Variants in STAG1 observed in about 807,000 individuals in gnomAD.
STAG1 encodes the protein cohesin subunit SA-1.
STAG1 carries 26 observed loss-of-function variants against 170.9 expected under a neutral mutation model. The observed-to-expected ratio is 0.15, with a 90% CI of 0.11 to 0.21. The LOEUF (loss-of-function observed/expected upper bound fraction) is 0.21. STAG1 is among the 10% of genes least tolerant of loss of function. The pLI is 1.00. For synonymous variants in STAG1, 514 were observed against 497.7 expected (o/e 1.03, Z -0.44); for missense variants, 964 against 1,509.5 (o/e 0.64, Z 5.99).
In STAG1 at chr3:136,402,118, A is replaced by G. The variant is rs139258278; in HGVS notation, c.2197-3289T>C. On this transcript the variant is annotated intron_variant, in intron 21 of 33. Coordinates refer to ENST00000383202, the MANE Select transcript of STAG1 (RefSeq NM_005862.3). ...CCCCACTTGATAAACTACAAACCATAAAGGTAAACATATGTAGATAATAAG... is the reference window on the plus strand; with the variant it reads ...CCCCACTTGATAAACTACAAACCATGAAGGTAAACATATGTAGATAATAAG... 2.9e-3 allele frequency among the ~76,000 whole-genome samples: 442 copies of G among 152,340 alleles called. 3 individuals carry two copies. The highest frequency in any genetic ancestry group is 0.01 in the African/African-American group (426 of 41,572).
intron 6 of STAG1, among the ~76,000 whole-genome samples, chr3:136,540,101 T>C (rs904742946): frequency 6.6e-6 from 1 of 152,114 alleles, no homozygotes; most frequent in African/African-American, 2.4e-5. Flanking sequence ...ATGACATATA[T>C]AGTCTTTTGA....
At chr3:136,376,216 A>T (rs2108305528) in intron 23 of STAG1, among the ~76,000 whole-genome samples, 1 of 152,188 alleles carries the variant, frequency 6.6e-6, no homozygotes, top group East Asian at 1.9e-4. Context: ...AAGGATAAGT[A>T]ATACTGTACT....
At chr3:136,523,066 T>C (rs950324890) in intron 6 of STAG1, among the ~76,000 whole-genome samples, 4 of 152,326 alleles carry the variant, frequency 2.6e-5, no homozygotes, top group Non-Finnish European at 5.9e-5. Context: ...TGATTTATAA[T>C]CCTTTGGATA....
chr3:136,506,789 G>T (rs1462484104), intron 7 of STAG1, among the ~76,000 whole-genome samples: 1 of 152,186 alleles, frequency 6.6e-6, no homozygotes, highest in Non-Finnish European at 1.5e-5. Flanking sequence ...AAGTGGAAAT[G>T]CCTAGTAGAC....
intron 30 of STAG1, among the ~76,000 whole-genome samples, chr3:136,342,407 C>T (rs1340259805): frequency 6.6e-6 from 1 of 152,128 alleles, no homozygotes; most frequent in African/African-American, 2.4e-5. Flanking sequence ...CAACCTCTGC[C>T]TCCCAGGCTC....
intron 1 of STAG1, among the ~76,000 whole-genome samples, chr3:136,633,788 C>A (rs1017927136): frequency 6.8e-6 from 1 of 147,258 alleles, no homozygotes; most frequent in Non-Finnish European, 1.5e-5. Context: ...GAGTTCGAGA[C>A]CAGCCCAGGC....
intron 4 of STAG1, among the ~76,000 whole-genome samples, chr3:136,586,428 A>T (rs529074365): frequency 6.6e-6 from 1 of 152,236 alleles, no homozygotes; most frequent in South Asian, 2.1e-4. Flanking sequence ...CACCCATGTT[A>T]ATTTAAAACC....
intron 7 of STAG1, among the ~76,000 whole-genome samples, chr3:136,515,242 G>A (rs561883120): frequency 6.6e-6 from 1 of 152,166 alleles, no homozygotes; most frequent in Non-Finnish European, 1.5e-5. Flanking sequence ...GTGCACGCCT[G>A]CAGTCCCAGC....
At chr3:136,412,862 TTTC>T (rs2087664583) in intron 21 of STAG1, among the ~76,000 whole-genome samples, 2 of 141,454 alleles carry the variant, frequency 1.4e-5, no homozygotes, top group Non-Finnish European at 3.2e-5. Flanking sequence ...GTGACAATTT[TTTC>T]TTTTTTTTTT....
intron 10 of STAG1, 97 bp from the exon 11 acceptor site, chr3:136,473,734 C>A: frequency 1.2e-6 from 1 of 818,452 alleles, no homozygotes; most frequent in Non-Finnish European, 2.0e-6. Flanking sequence ...AAACATTTGA[C>A]TTACTGCATA....
At chr3:136,700,160 T>C (rs540780738) in intron 1 of STAG1, among the ~76,000 whole-genome samples, 1 of 149,012 alleles carries the variant, frequency 6.7e-6, no homozygotes, top group South Asian at 2.2e-4. Flanking sequence ...AATTTTCATA[T>C]ACCTCCCAAA....
intron 21 of STAG1, among the ~76,000 whole-genome samples, chr3:136,413,469 T>TTTA (rs1368121402): frequency 1.3e-5 from 2 of 151,408 alleles, no homozygotes; most frequent in African/African-American, 4.9e-5. Flanking sequence ...TATTATTATT[T>TTTA]TTTTTTGAGA....
At chr3:136,700,106 C>T (rs1438339814) in intron 1 of STAG1, among the ~76,000 whole-genome samples, 1 of 151,026 alleles carries the variant, frequency 6.6e-6, no homozygotes, top group Admixed American at 6.6e-5. Flanking sequence ...CTCCTCTGTG[C>T]TGTTCTACAA....
At chr3:136,747,221 G>A (rs888981351) in intron 1 of STAG1, among the ~76,000 whole-genome samples, 7 of 145,494 alleles carry the variant, frequency 4.8e-5, no homozygotes, top group East Asian at 2.0e-4. Flanking sequence ...TGCAGTAAGC[G>A]AAGATCATGC....
chr3:136,344,091 G>C, intron 29 of STAG1, 85 bp from the exon 30 acceptor site: 1 of 1,020,216 alleles, frequency 9.8e-7, no homozygotes, highest in Admixed American at 3.1e-5. Flanking sequence ...TGAAGAGTGT[G>C]GCTCTGCAGT....
chr3:136,557,000 A>C (rs887386570), intron 5 of STAG1, among the ~76,000 whole-genome samples: 1 of 152,170 alleles, frequency 6.6e-6, no homozygotes, highest in Admixed American at 6.5e-5. Context: ...TGGGAGGCTG[A>C]GGTGGGCAGA....
rs142750525 is a variant in STAG1, at chr3:136,476,646, A to C, written c.1026+643T>G. On this transcript the variant is annotated intron_variant, in intron 10 of 33. Coordinates refer to ENST00000383202, the MANE Select transcript of STAG1 (RefSeq NM_005862.3). Reference sequence around the variant, plus strand: ...ACTTCAGAAAACTGTAAAATAACTTATAATGGGAATGAAAATTCCAGTTGC... The same window carrying C: ...ACTTCAGAAAACTGTAAAATAACTTCTAATGGGAATGAAAATTCCAGTTGC... 2.0e-3 allele frequency among the ~76,000 whole-genome samples: 301 copies of C among 152,330 alleles called. 8 individuals carry two copies. In the East Asian group the frequency reaches 0.048, roughly 24 times the overall value.
chr3:136,513,908 T>C (rs1404419451), intron 7 of STAG1, among the ~76,000 whole-genome samples: 1 of 151,818 alleles, frequency 6.6e-6, no homozygotes, highest in African/African-American at 2.4e-5. Flanking sequence ...TTTTAGAAAA[T>C]GAGGCATAAT....
intron 1 of STAG1, among the ~76,000 whole-genome samples, chr3:136,732,553 G>C (rs754529987): frequency 1.3e-5 from 2 of 152,170 alleles, no homozygotes; most frequent in African/African-American, 2.4e-5. Context: ...GAACACGCTG[G>C]TGATAACCTT....
Sources: gnomAD v4.1 joint callset for allele counts (sites outside exome capture counted in the v4.1 genomes callset) on GRCh38, gnomAD v4.1.1 for gene constraint, MANE v1.5 for transcripts, NCBI Gene and HGNC (gene_info 2026-07-23, HGNC 2026-07-21) for gene names.